The following CFAP54 variants were observed in gnomAD, a reference collection of about 807,000 sequenced individuals.
CFAP54 encodes the protein cilia and flagella associated protein 54.
CFAP54 carries 290 observed loss-of-function variants against 370.4 expected under a neutral mutation model. That is an observed-to-expected ratio of 0.78 (90% CI 0.71 to 0.86). CFAP54 has a LOEUF of 0.86. Among genes scored for constraint, CFAP54 ranks in the 40% least tolerant of loss-of-function variants. The pLI, the probability that CFAP54 is intolerant of heterozygous loss-of-function variation, is 0.00. For missense variants in CFAP54, 3,399 were observed against 3,528.7 expected (o/e 0.96, Z 0.93); for synonymous variants, 1,206 against 1,236.5 (o/e 0.98, Z 0.52).
rs35990040 is a variant in CFAP54 at position 96,779,107 on chromosome 12, C to CAA, written c.8282-5593_8282-5592dup. Among the ~76,000 whole-genome samples, 1,186 of 103,672 alleles carry CAA rather than the reference C, an allele frequency of 0.011. 37 individuals carry two copies. The East Asian group carries it at 0.12, about 11-fold the overall frequency. 68.0% of individuals were successfully genotyped at this position (103,672 alleles called of 152,430 possible). ...GGGCAACACGAGTGAATCTCCATCT[C>CAA]AAAAAAAAAAAAAAAAAACCCACAA... On this transcript the variant is annotated intron_variant, in intron 60 of 67. Transcript: ENST00000524981.
chr12:96,709,363 T>C (rs1052066391), intron 48 of CFAP54, among the ~76,000 whole-genome samples: 1 of 152,234 alleles, frequency 6.6e-6, no homozygotes, highest in African/African-American at 2.4e-5. Flanking sequence ...CTATGGGGTA[T>C]ATAACCCATG....
chr12:96,563,299 A>G (rs1955834496), intron 17 of CFAP54, among the ~76,000 whole-genome samples: 1 of 152,096 alleles, frequency 6.6e-6, no homozygotes, highest in Non-Finnish European at 1.5e-5. Context: ...TCTTGGCTTT[A>G]TTGAATTGCC....
chr12:96,838,874 A>C (rs1237710380), intron 66 of CFAP54, among the ~76,000 whole-genome samples: 1 of 152,202 alleles, frequency 6.6e-6, no homozygotes, highest in Non-Finnish European at 1.5e-5. Flanking sequence ...GATGGGGAGA[A>C]TGAAGTGGGC....
intron 55 of CFAP54, among the ~76,000 whole-genome samples, chr12:96,744,874 G>A (rs1189539242): frequency 6.6e-6 from 1 of 152,054 alleles, no homozygotes; most frequent in Non-Finnish European, 1.5e-5. Flanking sequence ...GTAGGTCATA[G>A]TGTGTGTCAT....
At chr12:96,737,370 T>C (rs1209578826) in intron 50 of CFAP54, among the ~76,000 whole-genome samples, 2 of 151,966 alleles carry the variant, frequency 1.3e-5, no homozygotes, top group African/African-American at 2.4e-5. Context: ...AAATACCAGT[T>C]ATTATCTTTT....
Position 96,670,895 on chromosome 12 carries a change from C to A in CFAP54, c.5563+6963C>A, listed in dbSNP as rs567385017. On this transcript the variant is annotated intron_variant, in intron 39 of 67. Transcript: ENST00000524981. Reference sequence around the variant, plus strand: ...AAATGCTCTTTCTCAATTCAGATGTCTGACTAATGAGCTCATCATCTTCTT... The same window carrying A: ...AAATGCTCTTTCTCAATTCAGATGTATGACTAATGAGCTCATCATCTTCTT... Among the ~76,000 whole-genome samples the A allele has an allele frequency of 1.3e-4, 20 of 152,348 alleles. No individual in the cohort carries two copies. The South Asian group carries it at 4.1e-3, about 32-fold the overall frequency.
intron 52 of CFAP54, among the ~76,000 whole-genome samples, chr12:96,743,058 T>G (rs748025393): frequency 2.0e-5 from 3 of 152,248 alleles, no homozygotes; most frequent in Non-Finnish European, 4.4e-5. Context: ...AAATTTATAC[T>G]GTTCTTAGAT....
intron 63 of CFAP54, among the ~76,000 whole-genome samples, chr12:96,795,472 T>C: frequency 6.6e-6 from 1 of 151,716 alleles, no homozygotes; most frequent in East Asian, 1.9e-4. Flanking sequence ...CTGTGGGAGA[T>C]GATGGTGTGG....
At chr12:96,728,785 G>GT (rs1241788658) in intron 50 of CFAP54, among the ~76,000 whole-genome samples, 3 of 152,104 alleles carry the variant, frequency 2.0e-5, no homozygotes, top group Non-Finnish European at 4.4e-5. Context: ...TTTCTGCTCT[G>GT]TTTTTTCCCC....
chr12:96,608,095 G>A (rs989865729), intron 26 of CFAP54, among the ~76,000 whole-genome samples: 2 of 152,052 alleles, frequency 1.3e-5, no homozygotes, highest in African/African-American at 4.8e-5. Context: ...TGCAATATAT[G>A]TATTATTAAA....
chr12:96,808,593 C>T (rs532778952), intron 63 of CFAP54, among the ~76,000 whole-genome samples: 109 of 152,234 alleles, frequency 7.2e-4, no homozygotes, highest in Non-Finnish European at 1.1e-3. Context: ...TATGGCATAT[C>T]GTGGTCTCAA....
At chr12:96,664,814 GATATATA>G (rs1957059857) in intron 39 of CFAP54, among the ~76,000 whole-genome samples, 4 of 25,510 alleles carry the variant, frequency 1.6e-4, no homozygotes, top group East Asian at 1.1e-3. Flanking sequence ...TATATATATA[GATATATA>G]TATGTATATC....
intron 55 of CFAP54, among the ~76,000 whole-genome samples, chr12:96,752,277 G>T (rs958856292): frequency 6.6e-6 from 1 of 152,170 alleles, no homozygotes; most frequent in Admixed American, 6.5e-5. Context: ...GATACCTCAC[G>T]ATTTTGTAGT....
chr12:96,826,995 A>ATGTATGAT (rs1474628598), intron 65 of CFAP54, among the ~76,000 whole-genome samples: 37 of 140,766 alleles, frequency 2.6e-4, no homozygotes, highest in African/African-American at 7.8e-4. Flanking sequence ...ATATGCAATT[A>ATGTATGAT]TATATGATTA....
intron 55 of CFAP54, among the ~76,000 whole-genome samples, chr12:96,747,436 A>C (rs780002935): frequency 6.6e-6 from 1 of 152,204 alleles, no homozygotes; most frequent in Non-Finnish European, 1.5e-5. Context: ...CTTTTGTAAC[A>C]AAAAAATTGT....
At chr12:96,765,266 T>C in intron 60 of CFAP54, 48 bp downstream of exon 60, 1 of 1,375,980 alleles carries the variant, frequency 7.3e-7, no homozygotes, top group Non-Finnish European at 9.8e-7. Flanking sequence ...ATATATGTAA[T>C]ATAGAATCAA....
intron 40 of CFAP54, among the ~76,000 whole-genome samples, chr12:96,684,338 C>T (rs978949438): frequency 1.3e-5 from 2 of 152,176 alleles, no homozygotes; most frequent in Non-Finnish European, 2.9e-5. Context: ...CCTATACATA[C>T]CCAGCCATTC....
At position 96,538,485 on chromosome 12, in the gene CFAP54, T is replaced by G. The variant is rs995568557; in HGVS notation, c.1893T>G (p.Tyr631Ter). 3 of 1,536,160 alleles carry G rather than the reference T, an allele frequency of 2.0e-6. No individual in the cohort carries two copies. The highest frequency in any genetic ancestry group is 1.7e-6 in the Non-Finnish European group (2 of 1,146,880). The change falls in exon 13 of 68, where the codon TAT becomes TAG. Residue 631 changes from tyrosine to a stop codon, truncating the protein, a stop_gained. Coordinates refer to ENST00000524981, the MANE Select transcript of CFAP54 (RefSeq NM_001306084.2). LOFTEE classifies it high-confidence loss of function. ...GGCTCAATATATCCAGAAATGACTA[T>G]GCAAAATTCACCCAGAAAATCAGTA... is the stretch of plus-strand genomic sequence containing the variant. ...IQRLNISRND[Y>*]AKFTQKISTN...
intron 42 of CFAP54, among the ~76,000 whole-genome samples, chr12:96,685,760 C>T (rs1172093517): frequency 6.6e-6 from 1 of 152,128 alleles, no homozygotes; most frequent in African/African-American, 2.4e-5. Flanking sequence ...CCATGTTGGC[C>T]AGGCTGGTCT....
Sources: gnomAD v4.1 joint callset for allele counts (sites outside exome capture counted in the v4.1 genomes callset) on GRCh38, gnomAD v4.1.1 for gene constraint, MANE v1.5 for transcripts, NCBI Gene and HGNC (gene_info 2026-07-23, HGNC 2026-07-21) for gene names.